The following GULP1 variants were observed in gnomAD, a reference collection of about 807,000 sequenced individuals.
GULP1 encodes GULP PTB domain containing engulfment adaptor 1.
In GULP1, 19 loss-of-function variants were observed where a neutral mutation model predicts 40.9. The ratio of observed to expected loss-of-function variants is 0.46; its 90% CI spans 0.32 to 0.68. GULP1 has a LOEUF of 0.68. Ranked by LOEUF, GULP1 falls within the 30% of genes least tolerant of loss-of-function variation. GULP1 has a pLI of 0.03. For synonymous variants in GULP1, 119 were observed against 117.6 expected (o/e 1.01, Z -0.08); for missense variants, 312 against 362.2 (o/e 0.86, Z 1.12).
intron 2 of GULP1, among the ~76,000 whole-genome samples, chr2:188,402,432 C>T (rs2052433718): frequency 1.3e-5 from 2 of 151,836 alleles, no homozygotes; most frequent in Non-Finnish European, 2.9e-5. Context: ...ATAAGCAGAC[C>T]CTCTTTCTTT....
intron 2 of GULP1, among the ~76,000 whole-genome samples, chr2:188,476,688 G>T (rs569671502): frequency 2.6e-5 from 4 of 152,078 alleles, no homozygotes; most frequent in Non-Finnish European, 5.9e-5. Flanking sequence ...AGAAGTGAAA[G>T]GCTATCTTAA....
intron 6 of GULP1, among the ~76,000 whole-genome samples, chr2:188,538,596 A>T (rs888618925): frequency 2.0e-5 from 3 of 151,976 alleles, no homozygotes; most frequent in African/African-American, 7.2e-5. Context: ...AAATGTAGGA[A>T]ATCTAAAAAA....
chr2:188,541,165 C>G lies in GULP1; in HGVS notation c.262-16C>G. 1 of 1,606,414 alleles carries G rather than the reference C, an allele frequency of 6.2e-7. No individual in the cohort carries two copies. Among genetic ancestry groups the G allele is most frequent in the African/African-American group, 1.3e-5 (1 of 74,800 alleles). ...AGAATCCCATCAACTATGTTTATTT[C>G]CATCTGTGTTCACAGGAAGTTCAAC... On this transcript the variant is annotated splice_polypyrimidine_tract_variant and intron_variant, in intron 6 of 11. Transcript: ENST00000409830.
At chr2:188,322,646 A>T (rs2040159159) in intron 1 of GULP1, among the ~76,000 whole-genome samples, 1 of 152,074 alleles carries the variant, frequency 6.6e-6, no homozygotes, top group South Asian at 2.1e-4. Flanking sequence ...ATAAAGGTTT[A>T]TTTTGGAAAT....
chr2:188,381,611 T>A (rs1263739071), intron 1 of GULP1, among the ~76,000 whole-genome samples: 1 of 152,152 alleles, frequency 6.6e-6, no homozygotes, highest in African/African-American at 2.4e-5. Flanking sequence ...TCTCTCTAAT[T>A]TCTGTTCATA....
At chr2:188,490,605 A>G (rs1318187926) in intron 4 of GULP1, among the ~76,000 whole-genome samples, 1 of 152,052 alleles carries the variant, frequency 6.6e-6, no homozygotes, top group South Asian at 2.1e-4. Flanking sequence ...GAAGTATTGC[A>G]TCTTTCTTTC....
intron 9 of GULP1, among the ~76,000 whole-genome samples, chr2:188,574,258 T>C (rs1699726487): frequency 6.6e-6 from 1 of 152,164 alleles, no homozygotes; most frequent in African/African-American, 2.4e-5. Flanking sequence ...ATTATAGATA[T>C]TATTTTATTT....
chr2:188,304,134 T>C (rs2036631382), intron 1 of GULP1, among the ~76,000 whole-genome samples: 1 of 151,930 alleles, frequency 6.6e-6, no homozygotes, highest in South Asian at 2.1e-4. Context: ...TAGTAGAAAA[T>C]ATAACTTGGC....
chr2:188,468,740 T>C (rs993762386), intron 2 of GULP1, among the ~76,000 whole-genome samples: 1 of 152,162 alleles, frequency 6.6e-6, no homozygotes, highest in African/African-American at 2.4e-5. Context: ...CAGAAATCTT[T>C]CCAAATATGA....
chr2:188,389,809 C>G (rs1377567732), intron 2 of GULP1, among the ~76,000 whole-genome samples: 2 of 152,048 alleles, frequency 1.3e-5, no homozygotes, highest in Non-Finnish European at 2.9e-5. Flanking sequence ...TCTCCAAAGT[C>G]TCTTATACCA....
At chr2:188,559,723 A>G (rs2153406484) in intron 7 of GULP1, among the ~76,000 whole-genome samples, 1 of 152,266 alleles carries the variant, frequency 6.6e-6, no homozygotes, top group African/African-American at 2.4e-5. Flanking sequence ...TGGAGAGGCC[A>G]GGGGTGGAAT....
intron 2 of GULP1, among the ~76,000 whole-genome samples, chr2:188,443,499 G>A (rs528740983): frequency 6.6e-6 from 1 of 152,134 alleles, no homozygotes; most frequent in African/African-American, 2.4e-5. Flanking sequence ...AGAGTTTAAT[G>A]ATTGACCCTC....
chr2:188,338,883 T>C (rs752693852), intron 1 of GULP1, among the ~76,000 whole-genome samples: 1 of 152,186 alleles, frequency 6.6e-6, no homozygotes, highest in South Asian at 2.1e-4. Context: ...CCTTCCACTC[T>C]GTGTGGAAGT....
chr2:188,524,013 C>T (rs1003044516), intron 5 of GULP1, among the ~76,000 whole-genome samples: 1 of 152,182 alleles, frequency 6.6e-6, no homozygotes, highest in Admixed American at 6.5e-5. Flanking sequence ...TTTAATCATT[C>T]CAAAAGAGGA....
chr2:188,303,697 C>T (rs1559088645), intron 1 of GULP1, among the ~76,000 whole-genome samples: 1 of 152,176 alleles, frequency 6.6e-6, no homozygotes, highest in Non-Finnish European at 1.5e-5. Context: ...GTGAAAGAGA[C>T]ATTAGAGAAG....
intron 4 of GULP1, among the ~76,000 whole-genome samples, chr2:188,516,431 C>A (rs2065180371): frequency 1.3e-5 from 2 of 151,770 alleles, no homozygotes; most frequent in Non-Finnish European, 2.9e-5. Flanking sequence ...TTTTCAATCT[C>A]TAGTGCTTTG....
At chr2:188,523,057 G>GC in intron 5 of GULP1, 1 of 380,074 alleles carries the variant, frequency 2.6e-6, no homozygotes, top group Non-Finnish European at 4.9e-6. Flanking sequence ...AAGGTATAAT[G>GC]TGTCATATTA....
intron 7 of GULP1, among the ~76,000 whole-genome samples, chr2:188,552,531 C>A (rs889273091): frequency 6.6e-6 from 1 of 151,594 alleles, no homozygotes; most frequent in African/African-American, 2.4e-5. Context: ...GTTTTTATAC[C>A]AATACCATAC....
chr2:188,540,172 T>C (rs1690070574), intron 6 of GULP1, among the ~76,000 whole-genome samples: 1 of 152,068 alleles, frequency 6.6e-6, no homozygotes, highest in Non-Finnish European at 1.5e-5. Flanking sequence ...GGAAAATATA[T>C]TTATGACTAC....
Sources: allele counts gnomAD v4.1 joint callset (sites outside exome capture counted in the v4.1 genomes callset), GRCh38; gene constraint gnomAD v4.1.1; transcripts MANE v1.5; gene names NCBI Gene and HGNC (gene_info 2026-07-23, HGNC 2026-07-21).